Variants in PTPN11 observed in about 807,000 individuals in gnomAD.
PTPN11 encodes the protein protein tyrosine phosphatase non-receptor type 11, also known as tyrosine-protein phosphatase non-receptor type 11.
PTPN11 carries 6 observed loss-of-function variants against 78.8 expected under a neutral mutation model. That is an observed-to-expected ratio of 0.08 (90% CI 0.04 to 0.15). PTPN11 has a LOEUF of 0.15. PTPN11 is among the 10% of genes least tolerant of loss of function. The pLI is 1.00. For missense variants in PTPN11, 386 were observed against 744.8 expected (o/e 0.52, Z 5.61); for synonymous variants, 221 against 263.5 (o/e 0.84, Z 1.56).
chr12:112,476,760 C>A (rs1018889370), intron 7 of PTPN11, among the ~76,000 whole-genome samples: 1 of 152,082 alleles, frequency 6.6e-6, no homozygotes, highest in Non-Finnish European at 1.5e-5. Flanking sequence ...CAGAGGAAAA[C>A]CCTGTCTCAA....
intron 13 of PTPN11, among the ~76,000 whole-genome samples, chr12:112,491,995 C>G (rs1297054127): frequency 6.6e-6 from 1 of 152,222 alleles, no homozygotes; most frequent in Non-Finnish European, 1.5e-5. Flanking sequence ...GCGTGAGTCA[C>G]CACACCTGGC....
chr12:112,430,844 C>A (rs1238830978), intron 1 of PTPN11, among the ~76,000 whole-genome samples: 1 of 151,956 alleles, frequency 6.6e-6, no homozygotes, highest in Non-Finnish European at 1.5e-5. Context: ...GGCTTTGGAG[C>A]AAGTTTTTGG....
chr12:112,470,296 G>A (rs760531971), intron 6 of PTPN11, among the ~76,000 whole-genome samples: 5 of 152,284 alleles, frequency 3.3e-5, no homozygotes, highest in Non-Finnish European at 7.3e-5. Context: ...CAATAGTGAT[G>A]TCATAGAAAT....
At chr12:112,444,307 A>G (rs2037955591) in intron 1 of PTPN11, among the ~76,000 whole-genome samples, 1 of 152,066 alleles carries the variant, frequency 6.6e-6, no homozygotes, top group South Asian at 2.1e-4. Flanking sequence ...ATATACCTGG[A>G]AGTGGAATTT....
intron 1 of PTPN11, among the ~76,000 whole-genome samples, chr12:112,427,055 G>A (rs1301105624): frequency 6.6e-6 from 1 of 151,980 alleles, no homozygotes; most frequent in African/African-American, 2.4e-5. Context: ...GACCAGCCTG[G>A]GTAACGTGGG....
intron 1 of PTPN11, among the ~76,000 whole-genome samples, chr12:112,424,863 C>G (rs1308010344): frequency 6.9e-6 from 1 of 145,304 alleles, no homozygotes. Context: ...CCATGTCAGG[C>G]TAATTGTGTG....
At chr12:112,449,042 A>G (rs2038036552) in intron 2 of PTPN11, among the ~76,000 whole-genome samples, 1 of 151,652 alleles carries the variant, frequency 6.6e-6, no homozygotes, top group African/African-American at 2.4e-5. Context: ...GCCTGCCACC[A>G]CGCCCAGCTA....
chr12:112,471,454 AAGAGAGAGAGAG>A (rs56070053), intron 6 of PTPN11, among the ~76,000 whole-genome samples: 17 of 126,354 alleles, frequency 1.3e-4, no homozygotes, highest in Admixed American at 5.7e-4. Flanking sequence ...GATAAACAGA[AAGAGAGAGAGAG>A]AGAGAGAGAG....
Position 112,506,969 on chromosome 12 carries a change from GAT to G in PTPN11, c.*1178_*1179del. Reference sequence around the variant, plus strand: ...TATTGATGATGATGATGATGATGATGATGATGATGATGATGATGATGATGGTT... The same window carrying G: ...TATTGATGATGATGATGATGATGATGGATGATGATGATGATGATGATGGTT... On this transcript the variant is annotated 3_prime_UTR_variant, in exon 16 of 16. Coordinates refer to ENST00000351677, the MANE Select transcript of PTPN11 (RefSeq NM_002834.5). 1 of 257,344 alleles carries G rather than the reference GAT, an allele frequency of 3.9e-6. No homozygotes were observed. The highest frequency in any genetic ancestry group is 7.8e-6 in the Non-Finnish European group (1 of 128,180). The allele number at this position is 257,344 out of a possible 1,614,324, so 15.9% of individuals were successfully genotyped here.
chr12:112,442,862 AT>A lies in PTPN11; in HGVS notation c.15-3413del, dbSNP rs1566162731. On this transcript the variant is annotated intron_variant, in intron 1 of 15. Transcript: ENST00000351677. ...TATATATATATATATATATATATAT[AT>A]ATATATATATATATAAATTATATAT... is the stretch of plus-strand genomic sequence containing the variant. Among the ~76,000 whole-genome samples, 27 of 79,634 alleles carry A rather than the reference AT, an allele frequency of 3.4e-4. No homozygotes were observed. In the East Asian group the frequency reaches 0.011, roughly 32 times the overall value. 52.2% of individuals were successfully genotyped at this position (79,634 alleles called of 152,430 possible).
At position 112,486,643 on chromosome 12, in the gene PTPN11, C is replaced by G; in HGVS notation, c.1379+14C>G. The G allele has an allele frequency of 6.2e-7, 1 of 1,611,938 alleles. No homozygotes were observed. Among genetic ancestry groups the G allele is most frequent in the South Asian group, 1.1e-5 (1 of 90,892 alleles). On this transcript the variant is annotated intron_variant, in intron 11 of 15. Transcript: ENST00000351677. ...GGTGCACTGCAGGTGACAGCTCCTGCTGCCCCTCTAGGCCACAGCCTGTCC... is the reference window on the plus strand; with the variant it reads ...GGTGCACTGCAGGTGACAGCTCCTGGTGCCCCTCTAGGCCACAGCCTGTCC...
At chr12:112,453,496 A>G in intron 4 of PTPN11, 109 bp downstream of exon 4, 1 of 786,674 alleles carries the variant, frequency 1.3e-6, no homozygotes, top group Non-Finnish European at 2.0e-6. Context: ...TCTTTTATTT[A>G]TTTATTTATT....
chr12:112,461,322 GTTTTCTTTTCT>G (rs1354804706), intron 6 of PTPN11, among the ~76,000 whole-genome samples: 4 of 150,368 alleles, frequency 2.7e-5, no homozygotes, highest in South Asian at 2.1e-4. Context: ...TTACTAAGCA[GTTTTCTTTTCT>G]TTTTCTTTTT....
intron 2 of PTPN11, among the ~76,000 whole-genome samples, chr12:112,448,299 C>T (rs1448879592): frequency 6.6e-6 from 1 of 151,820 alleles, no homozygotes; most frequent in African/African-American, 2.4e-5. Context: ...CAACCTCCAC[C>T]TCCTGGGTTC....
intron 14 of PTPN11, among the ~76,000 whole-genome samples, chr12:112,502,752 AAAAT>A (rs897276108): frequency 1.1e-4 from 17 of 152,298 alleles, no homozygotes; most frequent in African/African-American, 3.9e-4. Flanking sequence ...GTCTAAAAAT[AAAAT>A]AAAATAAAAT....
At chr12:112,486,387 A>G in intron 10 of PTPN11, 88 bp from the exon 11 acceptor site, 2 of 1,356,694 alleles carry the variant, frequency 1.5e-6, no homozygotes, top group Non-Finnish European at 2.1e-6. Flanking sequence ...CTTCCTCTCC[A>G]TTGGATTTAG....
At chr12:112,471,359 A>G (rs1238385286) in intron 6 of PTPN11, among the ~76,000 whole-genome samples, 1 of 148,846 alleles carries the variant, frequency 6.7e-6, no homozygotes, top group Admixed American at 6.7e-5. Flanking sequence ...TTGTAAACCA[A>G]TTATCCCTTG....
At chr12:112,477,550 G>A (rs1324338830) in intron 7 of PTPN11, 101 bp from the exon 8 acceptor site, 2 of 907,532 alleles carry the variant, frequency 2.2e-6, no homozygotes, top group Non-Finnish European at 3.5e-6. Flanking sequence ...TTCAATCATT[G>A]AATGAACAAA....
intron 15 of PTPN11, among the ~76,000 whole-genome samples, 182 bp from the exon 16 acceptor site, chr12:112,505,643 T>G (rs2038923775): frequency 8.8e-6 from 1 of 113,442 alleles, no homozygotes; most frequent in African/African-American, 3.5e-5. Context: ...GCCACAAGAG[T>G]GAAACTCCAT....
Sources: allele counts gnomAD v4.1 joint callset (sites outside exome capture counted in the v4.1 genomes callset), GRCh38; gene constraint gnomAD v4.1.1; transcripts MANE v1.5; gene names NCBI Gene and HGNC (gene_info 2026-07-23, HGNC 2026-07-21).